Variants in C8orf34 observed in about 807,000 individuals in gnomAD.
C8orf34 encodes the protein chromosome 8 open reading frame 34, also known as uncharacterized protein C8orf34.
Under a neutral mutation model 68.3 loss-of-function variants are expected in C8orf34, and 65 were observed. That is an observed-to-expected ratio of 0.95 (90% confidence interval 0.78 to 1.17). The LOEUF (loss-of-function observed/expected upper bound fraction) is 1.17, where lower values mean the gene tolerates loss of function less well. Among genes scored for constraint, C8orf34 ranks in the 50% most tolerant of loss-of-function variants. The probability of loss-of-function intolerance (pLI) is 0.00; values close to 1 mark genes in which losing one functional copy is unlikely to be tolerated. For missense variants in C8orf34, 664 were observed against 655.4 expected (o/e 1.01, Z -0.14); for synonymous variants, 244 against 241.2 (o/e 1.01, Z -0.11).
intron 6 of C8orf34, among the ~76,000 whole-genome samples, chr8:68,531,177 A>G (rs1188135610): frequency 1.3e-5 from 2 of 152,162 alleles, no homozygotes; most frequent in Non-Finnish European, 1.5e-5. Flanking sequence ...TGTACCCATA[A>G]TATAATCATC....
rs1237765866 is a variant in C8orf34, at chr8:68,774,329, G to GTATATATATATATATATATATA, written c.1405-2069_1405-2068insATATATATATATATATATATAT. Among the ~76,000 whole-genome samples the GTATATATATATATATATATATA allele has an allele frequency of 1.1e-3, 140 of 126,850 alleles. 1 individual carries two copies. Among genetic ancestry groups the GTATATATATATATATATATATA allele is most frequent in the African/African-American group, 4.3e-3 (125 of 29,098 alleles). 83.2% of individuals were successfully genotyped at this position (126,850 alleles called of 152,430 possible). On this transcript the variant is annotated intron_variant, in intron 10 of 13. Transcript: ENST00000518698. ...TCTATGTATAAAAATATGGGTGTGT[G>GTATATATATATATATATATATA]TGTATATATATATATATATAAAATA...
At chr8:68,349,065 C>A (rs754763567) in intron 1 of C8orf34, among the ~76,000 whole-genome samples, 50 of 152,074 alleles carry the variant, frequency 3.3e-4, no homozygotes, top group Non-Finnish European at 7.1e-4. Context: ...GTGGATGCTT[C>A]CAGATTTTGC....
At chr8:68,804,773 C>G (rs1391284866) in intron 12 of C8orf34, among the ~76,000 whole-genome samples, 2 of 152,010 alleles carry the variant, frequency 1.3e-5, no homozygotes, top group African/African-American at 4.8e-5. Context: ...GAGTAAGACC[C>G]TGCCTCAAAA....
chr8:68,456,513 A>C (rs989765291), intron 3 of C8orf34, among the ~76,000 whole-genome samples: 4 of 152,218 alleles, frequency 2.6e-5, no homozygotes, highest in Non-Finnish European at 5.9e-5. Context: ...GGATAATGTA[A>C]AGATGGATTT....
At chr8:68,652,439 C>A (rs902327057) in intron 8 of C8orf34, among the ~76,000 whole-genome samples, 1 of 152,112 alleles carries the variant, frequency 6.6e-6, no homozygotes, top group Admixed American at 6.6e-5. Flanking sequence ...TCTGTGTTTT[C>A]TGCTATCACT....
chr8:68,501,789 G>A (rs1291703109), intron 5 of C8orf34, among the ~76,000 whole-genome samples: 5 of 152,112 alleles, frequency 3.3e-5, no homozygotes, highest in African/African-American at 1.2e-4. Context: ...TTATTCTGGG[G>A]AAAGTAAATA....
chr8:68,500,058 C>T (rs1813699769), intron 5 of C8orf34, among the ~76,000 whole-genome samples: 1 of 152,266 alleles, frequency 6.6e-6, no homozygotes, highest in Middle Eastern at 3.4e-3. Context: ...TCTGCATAGC[C>T]TTCAGCCATG....
At position 68,779,937 on chromosome 8, in the gene C8orf34, G is replaced by A. The variant is rs150495075; in HGVS notation, c.1455+3488G>A. The stretch of plus-strand genomic sequence containing the variant: ...AATTTTTAAAAAAGTTGTAATCATG[G>A]CACTCAGACAGATGTAAAATGAACA... On this transcript the variant is annotated intron_variant, in intron 11 of 13. Coordinates refer to ENST00000518698, the MANE Select transcript of C8orf34 (RefSeq NM_052958.4). 2.1e-3 allele frequency among the ~76,000 whole-genome samples: 325 copies of A among 152,078 alleles called. 1 individual carries two copies. The highest frequency in any genetic ancestry group is 2.1e-3 in the Non-Finnish European group (143 of 67,996).
chr8:68,745,038 G>A (rs950555605), intron 10 of C8orf34, among the ~76,000 whole-genome samples: 50 of 152,178 alleles, frequency 3.3e-4, no homozygotes, highest in African/African-American at 5.5e-4. Context: ...CGGATCTCTC[G>A]GCAGAAACCC....
intron 7 of C8orf34, among the ~76,000 whole-genome samples, chr8:68,614,928 A>G (rs1036518523): frequency 6.1e-5 from 9 of 147,632 alleles, no homozygotes; most frequent in African/African-American, 2.3e-4. Context: ...TGAGCATGGA[A>G]TGTTCTTCCA....
At chr8:68,337,616 T>G (rs879658953) in intron 1 of C8orf34, among the ~76,000 whole-genome samples, 1 of 152,224 alleles carries the variant, frequency 6.6e-6, no homozygotes, top group Non-Finnish European at 1.5e-5. Context: ...ACTTTTTCTA[T>G]AATTTAAAAT....
chr8:68,352,957 A>G (rs1024248195), intron 1 of C8orf34, among the ~76,000 whole-genome samples: 1 of 152,136 alleles, frequency 6.6e-6, no homozygotes, highest in Non-Finnish European at 1.5e-5. Context: ...AATGGTGTCT[A>G]TATTTTTAAG....
At chr8:68,344,059 T>A (rs928250190) in intron 1 of C8orf34, among the ~76,000 whole-genome samples, 1 of 152,160 alleles carries the variant, frequency 6.6e-6, no homozygotes, top group Non-Finnish European at 1.5e-5. Flanking sequence ...TCAGTGTTCA[T>A]ACTCCTGAAC....
At chr8:68,357,315 A>G (rs1806791620) in intron 1 of C8orf34, among the ~76,000 whole-genome samples, 1 of 152,162 alleles carries the variant, frequency 6.6e-6, no homozygotes. Flanking sequence ...TGTTAAGCAG[A>G]TGATAAATAC....
At chr8:68,648,773 C>T (rs752866055) in intron 8 of C8orf34, among the ~76,000 whole-genome samples, 4 of 152,148 alleles carry the variant, frequency 2.6e-5, no homozygotes, top group Non-Finnish European at 5.9e-5. Flanking sequence ...ACTGATTTGT[C>T]TCATGTAATT....
intron 1 of C8orf34, among the ~76,000 whole-genome samples, chr8:68,428,713 G>A (rs1348539222): frequency 6.6e-6 from 1 of 152,074 alleles, no homozygotes; most frequent in Non-Finnish European, 1.5e-5. Flanking sequence ...TTGTATAGCT[G>A]TGGTCATGAA....
At chr8:68,620,386 T>G (rs1474637122) in intron 7 of C8orf34, among the ~76,000 whole-genome samples, 1 of 152,060 alleles carries the variant, frequency 6.6e-6, no homozygotes, top group East Asian at 1.9e-4. Flanking sequence ...GCTGAGTCAG[T>G]GGTAGAGGGA....
intron 1 of C8orf34, among the ~76,000 whole-genome samples, chr8:68,383,958 A>G (rs938740478): frequency 2.0e-5 from 3 of 152,230 alleles, no homozygotes; most frequent in African/African-American, 7.2e-5. Context: ...CAAAAGAAAC[A>G]TACAGGATTT....
intron 10 of C8orf34, among the ~76,000 whole-genome samples, chr8:68,740,732 A>G (rs1290227336): frequency 2.6e-5 from 4 of 152,238 alleles, no homozygotes; most frequent in Non-Finnish European, 5.9e-5. Context: ...CAATCCCATT[A>G]CTGGGTATAT....
Sources: allele counts gnomAD v4.1 joint callset (sites outside exome capture counted in the v4.1 genomes callset), GRCh38; gene constraint gnomAD v4.1.1; transcripts MANE v1.5; gene names NCBI Gene and HGNC (gene_info 2026-07-23, HGNC 2026-07-21).